ATP11B: variants seen among roughly 807,000 people sequenced by gnomAD.
The protein encoded by ATP11B is ATPase phospholipid transporting 11B (putative), also known as phospholipid-transporting ATPase IF.
In ATP11B, 81 loss-of-function variants were observed where a neutral mutation model predicts 157.8. The observed-to-expected ratio is 0.51, with a 90% confidence interval of 0.43 to 0.62. ATP11B has a LOEUF of 0.62. ATP11B is among the 20% of genes least tolerant of loss of function. The pLI is 0.00. For synonymous variants in ATP11B, 451 were observed against 469.4 expected (o/e 0.96, Z 0.51); for missense variants, 1,165 against 1,402.2 (o/e 0.83, Z 2.70).
intron 1 of ATP11B, among the ~76,000 whole-genome samples, chr3:182,794,199 T>G (rs1420684719): frequency 6.6e-6 from 1 of 151,980 alleles, no homozygotes; most frequent in Non-Finnish European, 1.5e-5. Flanking sequence ...CTCGAACAAT[T>G]TGGGACGTGT....
At chr3:182,908,196 CTTTTT>C (rs10716562) in intron 28 of ATP11B, among the ~76,000 whole-genome samples, 1 of 70,744 alleles carries the variant, frequency 1.4e-5, no homozygotes. Flanking sequence ...TTATTATTTT[CTTTTT>C]TTTTTTTTTT....
In ATP11B at chr3:182,857,903, T is replaced by C. The variant is rs1307066291; in HGVS notation, c.877T>C (p.Tyr293His). ...GTCAATGAATACATTTTTGATAATT[T>C]ATCTAGTAATTCTTATATCTGAAGC... is the stretch of plus-strand genomic sequence containing the variant. ...EKSMNTFLII[Y>H]LVILISEAVI... Residue 293 changes from tyrosine (Y) to histidine (H), a missense_variant, in exon 11 of 30, where the codon TAT (tyrosine) becomes CAT (histidine). Transcript: ENST00000323116. 2.6e-6 allele frequency: 4 copies of C among 1,544,200 alleles called. No homozygotes were observed. In the African/African-American group the frequency reaches 5.4e-5, roughly 21 times the overall value.
rs766757921 is a variant in ATP11B, at chr3:182,887,705, C to T, written c.2835C>T (p.Thr945=). ...CTCATGTGTTACAAAATAAGCCCAC[C>T]CTTTATCGGTAAGTATTTTCTGGTA... ...VDPHVLQNKP[T]LYRDISKNRL... Residue 945 remains threonine, a synonymous_variant, in exon 24 of 30, where the codon ACC becomes ACT. Coordinates refer to ENST00000323116, the MANE Select transcript of ATP11B (RefSeq NM_014616.3). The T allele has an allele frequency of 1.9e-6, 3 of 1,608,460 alleles. No homozygotes were observed. The South Asian group carries it at 3.4e-5, about 18-fold the overall frequency.
chr3:182,898,884 T>A, intron 28 of ATP11B, 112 bp downstream of exon 28: 1 of 665,828 alleles, frequency 1.5e-6, no homozygotes, highest in Non-Finnish European at 2.2e-6. Context: ...GCCATTCCTG[T>A]TTCAACTATT....
intron 2 of ATP11B, among the ~76,000 whole-genome samples, chr3:182,820,954 C>A (rs921323564): frequency 5.3e-5 from 8 of 152,148 alleles, no homozygotes; most frequent in Non-Finnish European, 7.4e-5. Flanking sequence ...TTAATCCTTA[C>A]AACAACCCTA....
At position 182,869,435 on chromosome 3, in the gene ATP11B, G is replaced by C. The variant is rs950706911; in HGVS notation, c.1866+104G>C. ...TATCAAAAATTGTGGACATTCTGCA[G>C]TTGTGTTACACTGTGTGTTGGCTCC... On this transcript the variant is annotated intron_variant, in intron 17 of 29. Coordinates refer to ENST00000323116, the MANE Select transcript of ATP11B (RefSeq NM_014616.3). The C allele has an allele frequency of 3.9e-6, 3 of 775,954 alleles. No homozygotes were observed. The African/African-American group carries it at 5.3e-5, about 14-fold the overall frequency. 48.1% of individuals were successfully genotyped at this position (775,954 alleles called of 1,614,324 possible). A position where few individuals can be genotyped will look rare whatever the true frequency, so the allele number is the denominator to read the frequency against.
chr3:182,816,267 A>T (rs149663083), intron 1 of ATP11B, among the ~76,000 whole-genome samples: 118 of 152,358 alleles, frequency 7.7e-4, no homozygotes, highest in African/African-American at 2.8e-3. Flanking sequence ...ACATAAAGCC[A>T]GGGTGGCTGG....
In ATP11B at chr3:182,836,367, A is replaced by G. The variant is rs1392021093; in HGVS notation, c.449A>G (p.Lys150Arg). ...GTGGGTGATATTGTTCGAATAGCCA[A>G]AGATGAAATTTTTCCTGCAGACTTG... Reference protein sequence around the residue: ...IRVGDIVRIAKDEIFPADLVL... With the variant: ...IRVGDIVRIARDEIFPADLVL... The change falls in exon 6 of 30, where the codon AAA (lysine) becomes AGA (arginine). Residue 150 changes from lysine (K) to arginine (R), a missense_variant. Coordinates refer to ENST00000323116, the MANE Select transcript of ATP11B (RefSeq NM_014616.3). 1.9e-6 allele frequency: 3 copies of G among 1,613,762 alleles called. No homozygotes were observed. The highest frequency in any genetic ancestry group is 2.5e-6 in the Non-Finnish European group (3 of 1,179,822).
At chr3:182,859,746 C>T (rs968077746) in intron 12 of ATP11B, among the ~76,000 whole-genome samples, 6 of 152,074 alleles carry the variant, frequency 3.9e-5, no homozygotes, top group Admixed American at 6.6e-5. Flanking sequence ...CACTAATTCC[C>T]GGTTCTATAG....
rs561435734 is a variant in ATP11B, at chr3:182,837,370, A to G, written c.656+196A>G. 4.6e-5 allele frequency among the ~76,000 whole-genome samples: 7 copies of G among 152,284 alleles called. No individual in the cohort carries two copies. The East Asian group carries it at 1.3e-3, about 29-fold the overall frequency. On this transcript the variant is annotated intron_variant, in intron 7 of 29. Coordinates refer to ENST00000323116, the MANE Select transcript of ATP11B (RefSeq NM_014616.3). Reference sequence around the variant, plus strand: ...ATTCTAAGCAAAAGATAATAGTTCAAAGCCAGAGTTTATATTCACAAGTTT... The same window carrying G: ...ATTCTAAGCAAAAGATAATAGTTCAGAGCCAGAGTTTATATTCACAAGTTT...
chr3:182,820,327 G>T lies in ATP11B; in HGVS notation c.95G>T (p.Gly32Val). The T allele has an allele frequency of 1.2e-6, 2 of 1,613,816 alleles. No homozygotes were observed. Among genetic ancestry groups the T allele is most frequent in the Non-Finnish European group, 8.5e-7 (1 of 1,179,752 alleles). Residue 32 changes from glycine to valine, a missense_variant, in exon 2 of 30, where the codon GGC becomes GTC. By Grantham distance (109) the Gly-to-Val change is moderately radical. This residue lies in a region of ATP11B where 91 missense variants were observed against 95.8 expected (regional missense o/e 0.95). Coordinates refer to ENST00000323116, the MANE Select transcript of ATP11B (RefSeq NM_014616.3). ...IYVANRFPQN[G>V]LYTPQKFIDN... ...GTAGCCAACAGGTTTCCTCAGAATG[G>T]CCTTTACACACCTCAGAAATTTATA...
At chr3:182,874,423 A>G (rs1297411602) in intron 19 of ATP11B, among the ~76,000 whole-genome samples, 3 of 152,228 alleles carry the variant, frequency 2.0e-5, no homozygotes, top group Non-Finnish European at 2.9e-5. Flanking sequence ...GCATAGCACC[A>G]TGTTGCGACA....
intron 7 of ATP11B, among the ~76,000 whole-genome samples, chr3:182,840,865 T>C (rs575330196): frequency 6.6e-6 from 1 of 152,322 alleles, no homozygotes; most frequent in South Asian, 2.1e-4. Context: ...AAAGCAGTCA[T>C]AGTGTTCCTT....
intron 25 of ATP11B, among the ~76,000 whole-genome samples, chr3:182,894,529 T>C (rs913121121): frequency 1.3e-5 from 2 of 152,114 alleles, no homozygotes; most frequent in Non-Finnish European, 2.9e-5. Context: ...CCTTTGCCAC[T>C]CACATTATCA....
chr3:182,867,372 C>G lies in ATP11B; in HGVS notation c.1620-4C>G. 1 of 1,589,110 alleles carries G rather than the reference C, an allele frequency of 6.3e-7. No homozygotes were observed. The highest frequency in any genetic ancestry group is 8.6e-7 in the Non-Finnish European group (1 of 1,158,020). On this transcript the variant is annotated splice_region_variant and splice_polypyrimidine_tract_variant and intron_variant, in intron 14 of 29. Coordinates refer to ENST00000323116, the MANE Select transcript of ATP11B (RefSeq NM_014616.3). ...TCTCACTTTTTTATCCTTTTGATGT[C>G]TAGGATTGGTATTGTGTTTATTGGC...
intron 29 of ATP11B, chr3:182,916,027 CCTGTT>C (rs1725118340): frequency 1.5e-5 from 15 of 984,562 alleles, no homozygotes; most frequent in African/African-American, 5.2e-5. Flanking sequence ...TCTTTTCAGA[CCTGTT>C]CATTCTTTTC....
At chr3:182,820,921 ATATT>A (rs1275194434) in intron 2 of ATP11B, among the ~76,000 whole-genome samples, 1 of 152,208 alleles carries the variant, frequency 6.6e-6, no homozygotes, top group East Asian at 1.9e-4. Context: ...ACCAGAAACT[ATATT>A]AAGTACTTCT....
At chr3:182,880,468 AT>A (rs1233790203) in intron 20 of ATP11B, among the ~76,000 whole-genome samples, 3 of 152,124 alleles carry the variant, frequency 2.0e-5, no homozygotes, top group African/African-American at 7.2e-5. Context: ...ATCTTGATTG[AT>A]TTTTTTAAAG....
In ATP11B at chr3:182,918,581, A is replaced by G. The variant is rs1725281295; in HGVS notation, c.*477A>G. ...TTATATTTAAAGCTTTTCATGGGAA[A>G]AGTTAATGTGAATACTGAGGAATTT... On this transcript the variant is annotated 3_prime_UTR_variant, in exon 30 of 30. Transcript: ENST00000323116. 1 of 384,924 alleles carries G rather than the reference A, an allele frequency of 2.6e-6. No homozygotes were observed. The highest frequency in any genetic ancestry group is 3.7e-5 in the East Asian group (1 of 27,178). 23.8% of individuals were successfully genotyped at this position (384,924 alleles called of 1,614,324 possible).
Sources: allele counts gnomAD v4.1 joint callset (sites outside exome capture counted in the v4.1 genomes callset), GRCh38; gene constraint gnomAD v4.1.1; regional missense constraint gnomAD v4.1.1; transcripts MANE v1.5; gene names NCBI Gene and HGNC (gene_info 2026-07-23, HGNC 2026-07-21).